ZFAT: variants seen among roughly 807,000 people sequenced by gnomAD.
ZFAT encodes the protein zinc finger and AT-hook domain containing.
A neutral mutation model predicts 117.7 loss-of-function variants in ZFAT; 64 were observed. The ratio of observed to expected loss-of-function variants is 0.54; its 90% CI spans 0.44 to 0.67. The LOEUF (loss-of-function observed/expected upper bound fraction) is 0.67. Ranked by LOEUF, ZFAT falls within the 30% of genes least tolerant of loss-of-function variation. The pLI, the probability that ZFAT is intolerant of heterozygous loss-of-function variation, is 0.00. For synonymous variants in ZFAT, 679 were observed against 615.0 expected (o/e 1.10, Z -1.54); for missense variants, 1,433 against 1,584.5 (o/e 0.90, Z 1.62).
intron 10 of ZFAT, among the ~76,000 whole-genome samples, chr8:134,574,589 G>A (rs1825170103): frequency 6.6e-6 from 1 of 151,978 alleles, no homozygotes; most frequent in African/African-American, 2.4e-5. Context: ...TTTGGCATTT[G>A]GATTCCATCA....
chr8:134,555,120 G>A (rs959679002), intron 11 of ZFAT, among the ~76,000 whole-genome samples: 1 of 152,174 alleles, frequency 6.6e-6, no homozygotes, highest in Admixed American at 6.5e-5. Context: ...TGAAGGCTAG[G>A]GGAAACCAGG....
rs565563217 is a variant in ZFAT, at chr8:134,493,259, G to A, written c.3493-14538C>T. Among the ~76,000 whole-genome samples, 9 of 152,288 alleles carry A rather than the reference G, an allele frequency of 5.9e-5. No individual in the cohort carries two copies. The East Asian group carries it at 1.7e-3, about 29-fold the overall frequency. On this transcript the variant is annotated intron_variant, in intron 15 of 15. Transcript: ENST00000377838. ...CCCTGTTTCCTAAGCCCCAGGCACT[G>A]GAGAGCTCTGCTGCCACCTGCAACA...
chr8:134,690,765 T>C (rs1379217388), intron 1 of ZFAT, among the ~76,000 whole-genome samples: 1 of 152,156 alleles, frequency 6.6e-6, no homozygotes, highest in East Asian at 1.9e-4. Context: ...AAATAAATAT[T>C]TAATGTATTC....
chr8:134,545,056 T>C (rs1822585632), intron 11 of ZFAT, among the ~76,000 whole-genome samples: 2 of 152,128 alleles, frequency 1.3e-5, no homozygotes, highest in South Asian at 4.1e-4. Context: ...AACCCAATTA[T>C]CCACTGCAAT....
intron 1 of ZFAT, among the ~76,000 whole-genome samples, chr8:134,690,908 G>A (rs1175417700): frequency 2.0e-5 from 3 of 152,204 alleles, no homozygotes; most frequent in Non-Finnish European, 4.4e-5. Flanking sequence ...GGTGCAATCA[G>A]AAATGAGGAA....
intron 11 of ZFAT, among the ~76,000 whole-genome samples, chr8:134,545,593 TAC>T (rs1822635094): frequency 6.6e-6 from 1 of 152,216 alleles, no homozygotes; most frequent in Admixed American, 6.5e-5. Flanking sequence ...CAAAAGTAAT[TAC>T]AGTTTTTGCC....
At chr8:134,650,020 G>C (rs568357196) in intron 2 of ZFAT, among the ~76,000 whole-genome samples, 40 of 152,228 alleles carry the variant, frequency 2.6e-4, no homozygotes, top group Non-Finnish European at 5.4e-4. Flanking sequence ...TGTGAAGAAG[G>C]TTCCTGCTTC....
At chr8:134,782,218 T>G in the ZFAT span, among the ~76,000 whole-genome samples, 2 of 152,262 alleles carry the variant, frequency 1.3e-5, no homozygotes, top group Admixed American at 6.5e-5. Flanking sequence ...TTTCTCTTTC[T>G]TGTTACTCAT....
chr8:134,616,621 C>A (rs1172871382), intron 3 of ZFAT, among the ~76,000 whole-genome samples: 1 of 152,204 alleles, frequency 6.6e-6, no homozygotes, highest in African/African-American at 2.4e-5. Flanking sequence ...CCTGTCTATG[C>A]TCCCCTCCAG....
At chr8:134,614,929 C>T (rs1309892909) in intron 3 of ZFAT, among the ~76,000 whole-genome samples, 1 of 151,988 alleles carries the variant, frequency 6.6e-6, no homozygotes, top group African/African-American at 2.4e-5. Context: ...GGAACTATTA[C>T]ATAAGGAAGA....
chr8:134,710,932 A>G (rs1184648233), intron 1 of ZFAT, among the ~76,000 whole-genome samples: 1 of 152,218 alleles, frequency 6.6e-6, no homozygotes, highest in Admixed American at 6.5e-5. Flanking sequence ...TTACCAGTAA[A>G]AAATATGACA....
chr8:134,592,272 A>T (rs1265387804), intron 7 of ZFAT, among the ~76,000 whole-genome samples: 2 of 152,222 alleles, frequency 1.3e-5, no homozygotes, highest in Non-Finnish European at 2.9e-5. Context: ...AAAAAGCACA[A>T]GAGCTATCAC....
intron 1 of ZFAT, among the ~76,000 whole-genome samples, chr8:134,675,269 T>C (rs1038623115): frequency 7.2e-5 from 11 of 152,176 alleles, no homozygotes; most frequent in African/African-American, 2.7e-4. Context: ...AATGACCTGA[T>C]GGAGCTGAAA....
intron 1 of ZFAT, chr8:134,696,398 G>A: frequency 1.0e-6 from 1 of 985,588 alleles, no homozygotes; most frequent in Non-Finnish European, 1.2e-6. Context: ...CAACAGGAAA[G>A]TTCAGAGTGG....
the ZFAT span, among the ~76,000 whole-genome samples, chr8:134,729,632 C>T: frequency 6.6e-6 from 1 of 152,198 alleles, no homozygotes; most frequent in African/African-American, 2.4e-5. Flanking sequence ...GCTGTCAGGC[C>T]CCGCTTCTGA....
At position 134,626,609 on chromosome 8, in the gene ZFAT, G is replaced by T. The variant is rs79649545; in HGVS notation, c.448+10852C>A. ...GCTGAGCCAAGAACTGGGATTCCAC[G>T]GATCTCTGGGAAGTTCTGGAGGGGA... is the stretch of plus-strand genomic sequence containing the variant. On this transcript the variant is annotated intron_variant, in intron 3 of 15. Transcript: ENST00000377838. Among the ~76,000 whole-genome samples, 73 of 152,320 alleles carry T rather than the reference G, an allele frequency of 4.8e-4. 2 individuals carry two copies. Among genetic ancestry groups the T allele is most frequent in the African/African-American group, 1.5e-3 (63 of 41,564 alleles).
intron 3 of ZFAT, among the ~76,000 whole-genome samples, chr8:134,628,210 G>C (rs1829653866): frequency 6.6e-6 from 1 of 152,186 alleles, no homozygotes; most frequent in Admixed American, 6.5e-5. Flanking sequence ...CATATGCCAG[G>C]ATCATTGAAG....
At chr8:134,797,629 G>A in the ZFAT span, 7 of 151,954 alleles carry the variant, frequency 4.6e-5, no homozygotes, top group African/African-American at 1.7e-4. Flanking sequence ...AGCTCAACAG[G>A]TTCTACTGCT....
chr8:134,741,859 A>G, the ZFAT span, among the ~76,000 whole-genome samples: 1 of 151,644 alleles, frequency 6.6e-6, no homozygotes, highest in Non-Finnish European at 1.5e-5. Context: ...GTCACTTGAA[A>G]AAAAAAAAAC....
Sources: allele counts gnomAD v4.1 joint callset (sites outside exome capture counted in the v4.1 genomes callset), GRCh38; gene constraint gnomAD v4.1.1; transcripts MANE v1.5; gene names NCBI Gene and HGNC (gene_info 2026-07-23, HGNC 2026-07-21).